The following PBX3 variants were observed in gnomAD, a reference collection of about 807,000 sequenced individuals.
PBX3 encodes PBX homeobox 3.
A neutral mutation model predicts 48.5 loss-of-function variants in PBX3; 14 were observed. That is an observed-to-expected ratio of 0.29 (90% confidence interval 0.19 to 0.45). The LOEUF is 0.45. PBX3 is among the 20% of genes least tolerant of loss of function. PBX3 has a pLI of 1.00. For missense variants in PBX3, 386 were observed against 546.7 expected (o/e 0.71, Z 2.93); for synonymous variants, 210 against 200.3 (o/e 1.05, Z -0.41).
chr9:125,909,710 G>T lies in PBX3; in HGVS notation c.275-5976G>T, dbSNP rs145125786. On this transcript the variant is annotated intron_variant, in intron 2 of 8. Coordinates refer to ENST00000373489, the MANE Select transcript of PBX3 (RefSeq NM_006195.6). ...ATTACACTGTCATAGAAAAACACTG[G>T]TGATTCAAGAAATGCCTTTAAATGG... Among the ~76,000 whole-genome samples the T allele has an allele frequency of 1.5e-3, 223 of 152,238 alleles. 1 individual carries two copies. Among genetic ancestry groups the T allele is most frequent in the Middle Eastern group, 0.014 (4 of 294 alleles).
chr9:125,760,727 A>G (rs754360503), intron 2 of PBX3, among the ~76,000 whole-genome samples: 1 of 152,206 alleles, frequency 6.6e-6, no homozygotes, highest in Non-Finnish European at 1.5e-5. Context: ...TGTTTAAATT[A>G]GGCTAATTAC....
intron 2 of PBX3, among the ~76,000 whole-genome samples, chr9:125,870,649 A>C (rs1840099814): frequency 6.6e-6 from 1 of 152,248 alleles, no homozygotes; most frequent in African/African-American, 2.4e-5. Flanking sequence ...GGACACAGCC[A>C]AACCCTATCA....
chr9:125,922,464 C>T (rs923290215), intron 3 of PBX3, among the ~76,000 whole-genome samples: 5 of 152,080 alleles, frequency 3.3e-5, no homozygotes. Flanking sequence ...CTTTTATTTC[C>T]CAAATATTGC....
chr9:125,901,088 C>G (rs1840934427), intron 2 of PBX3, among the ~76,000 whole-genome samples: 1 of 151,658 alleles, frequency 6.6e-6, no homozygotes, highest in Non-Finnish European at 1.5e-5. Context: ...AATTTGAAAA[C>G]TGAAAGAAAA....
chr9:125,819,616 C>T (rs1251683713), intron 2 of PBX3, among the ~76,000 whole-genome samples: 1 of 152,044 alleles, frequency 6.6e-6, no homozygotes, highest in Non-Finnish European at 1.5e-5. Flanking sequence ...TGATATCTTC[C>T]CTGCTTGTAA....
chr9:125,818,637 C>T lies in PBX3; in HGVS notation c.274+70014C>T, dbSNP rs373414205. Among the ~76,000 whole-genome samples, 389 of 152,172 alleles carry T rather than the reference C, an allele frequency of 2.6e-3. 3 individuals carry two copies. The highest frequency in any genetic ancestry group is 8.9e-3 in the African/African-American group (369 of 41,528). ...GTGCTGGGATTACAGGCATGAGCCA[C>T]CACACCTGGCATGATGAGATTATTT... On this transcript the variant is annotated intron_variant, in intron 2 of 8. Coordinates refer to ENST00000373489, the MANE Select transcript of PBX3 (RefSeq NM_006195.6).
intron 2 of PBX3, among the ~76,000 whole-genome samples, chr9:125,818,740 G>A (rs561636987): frequency 2.6e-5 from 4 of 152,162 alleles, no homozygotes; most frequent in East Asian, 3.9e-4. Flanking sequence ...AAACCTGCCC[G>A]CCTCAGCTTC....
chr9:125,909,161 T>C (rs753644807), intron 2 of PBX3, among the ~76,000 whole-genome samples: 1 of 152,172 alleles, frequency 6.6e-6, no homozygotes, highest in Non-Finnish European at 1.5e-5. Context: ...TCATCTTGGC[T>C]GCTCTTCACT....
intron 3 of PBX3, among the ~76,000 whole-genome samples, chr9:125,928,262 A>G (rs1307830705): frequency 6.6e-6 from 1 of 151,926 alleles, no homozygotes; most frequent in Non-Finnish European, 1.5e-5. Context: ...GCCTGTCGTC[A>G]CAGCTACTTG....
chr9:125,927,662 C>T (rs1282745536), intron 3 of PBX3, among the ~76,000 whole-genome samples: 5 of 152,136 alleles, frequency 3.3e-5, no homozygotes. Flanking sequence ...TCTTTTTCTT[C>T]AGGAGTATAA....
At position 125,948,307 on chromosome 9, in the gene PBX3, C is replaced by T. The variant is rs183900826; in HGVS notation, c.844-12377C>T. On this transcript the variant is annotated intron_variant, in intron 5 of 8. Transcript: ENST00000373489. ...AGAATACACATTCTAATTTTAAGCA[C>T]TTATAGAACAATTTGAAAGTTGACT... Among the ~76,000 whole-genome samples the T allele has an allele frequency of 1.9e-4, 29 of 152,306 alleles. No individual in the cohort carries two copies. The South Asian group carries it at 5.4e-3, about 28-fold the overall frequency.
At chr9:125,862,767 A>T (rs140355053) in intron 2 of PBX3, among the ~76,000 whole-genome samples, 2 of 152,342 alleles carry the variant, frequency 1.3e-5, no homozygotes, top group African/African-American at 4.8e-5. Context: ...AAACATGGAC[A>T]TTGAGAACTC....
At chr9:125,888,509 A>G (rs1437900799) in intron 2 of PBX3, among the ~76,000 whole-genome samples, 2 of 151,656 alleles carry the variant, frequency 1.3e-5, no homozygotes, top group African/African-American at 4.8e-5. Context: ...CCAGAAACAG[A>G]TGCTCTCACT....
intron 2 of PBX3, among the ~76,000 whole-genome samples, chr9:125,818,492 G>T (rs1412401960): frequency 6.6e-6 from 1 of 151,434 alleles, no homozygotes; most frequent in Non-Finnish European, 1.5e-5. Flanking sequence ...GTGCCACCAC[G>T]CCCGGCTAAT....
intron 2 of PBX3, among the ~76,000 whole-genome samples, chr9:125,801,366 G>A (rs1837939678): frequency 1.3e-5 from 2 of 152,274 alleles, no homozygotes; most frequent in South Asian, 4.1e-4. Flanking sequence ...TATTCTGGCA[G>A]ATAAACGTGT....
chr9:125,793,148 C>T (rs543728153), intron 2 of PBX3, among the ~76,000 whole-genome samples: 57 of 151,084 alleles, frequency 3.8e-4, no homozygotes, highest in Non-Finnish European at 3.5e-4. Context: ...GTCAGGAGAT[C>T]GAGACCATCC....
rs111733009 is a variant in PBX3 at position 125,928,700 on chromosome 9, C to T, written c.517-955C>T. On this transcript the variant is annotated intron_variant, in intron 3 of 8. Coordinates refer to ENST00000373489, the MANE Select transcript of PBX3 (RefSeq NM_006195.6). ...CAGGATGGTCTCGATCTCCTGCCCT[C>T]GTGATCCACCCGCCTCAGCCTCCCA... Among the ~76,000 whole-genome samples the T allele has an allele frequency of 5.6e-3, 857 of 152,170 alleles. 4 individuals are homozygous for T. The highest frequency in any genetic ancestry group is 0.01 in the Non-Finnish European group (692 of 67,982).
chr9:125,778,029 T>C (rs12238547), intron 2 of PBX3, among the ~76,000 whole-genome samples: 8,680 of 150,990 alleles, frequency 0.057, 573 homozygotes, highest in East Asian at 0.17. Flanking sequence ...GGTGTGATCT[T>C]GGTTCACTGC....
chr9:125,810,718 C>G (rs1838265503), intron 2 of PBX3, among the ~76,000 whole-genome samples: 1 of 152,118 alleles, frequency 6.6e-6, no homozygotes, highest in Non-Finnish European at 1.5e-5. Context: ...AGCCAGAGCT[C>G]AGGCATATGA....
Sources: gnomAD v4.1 joint callset for allele counts (sites outside exome capture counted in the v4.1 genomes callset) on GRCh38, gnomAD v4.1.1 for gene constraint, MANE v1.5 for transcripts, NCBI Gene and HGNC (gene_info 2026-07-23, HGNC 2026-07-21) for gene names.